The following ARHGAP26 variants were observed in gnomAD, a reference collection of about 807,000 sequenced individuals.
The protein encoded by ARHGAP26 is Rho GTPase activating protein 26, also known as rho GTPase-activating protein 26.
In ARHGAP26, 38 loss-of-function variants were observed where a neutral mutation model predicts 104.8. That is an observed-to-expected ratio of 0.36 (90% CI 0.28 to 0.48). The LOEUF (loss-of-function observed/expected upper bound fraction) is 0.48, where lower values mean the gene tolerates loss of function less well. Among genes scored for constraint, ARHGAP26 ranks in the 20% least tolerant of loss-of-function variants. The pLI is 0.99. For synonymous variants in ARHGAP26, 341 were observed against 340.0 expected (o/e 1.00, Z -0.03); for missense variants, 704 against 947.9 (o/e 0.74, Z 3.38).
chr5:142,904,630 C>A (rs914360769), intron 8 of ARHGAP26, among the ~76,000 whole-genome samples: 20 of 152,106 alleles, frequency 1.3e-4, no homozygotes, highest in Non-Finnish European at 1.3e-4. Context: ...CTCACAAGTT[C>A]ATGCCTTATG....
intron 22 of ARHGAP26, among the ~76,000 whole-genome samples, chr5:143,217,776 A>T (rs561456446): frequency 5.9e-5 from 9 of 152,230 alleles, no homozygotes; most frequent in Admixed American, 5.9e-4. Context: ...GGGCGCTTCC[A>T]CTGGCCGCCT....
At chr5:142,948,692 G>A (rs549467567) in intron 11 of ARHGAP26, among the ~76,000 whole-genome samples, 36 of 151,166 alleles carry the variant, frequency 2.4e-4, no homozygotes, top group Middle Eastern at 3.4e-3. Context: ...GGTTAGAAGG[G>A]GATATAAAGC....
intron 20 of ARHGAP26, among the ~76,000 whole-genome samples, chr5:143,157,447 G>A (rs1476433960): frequency 1.3e-5 from 2 of 152,134 alleles, no homozygotes; most frequent in African/African-American, 4.8e-5. Context: ...CAAAATGCTG[G>A]GACTACAGGC....
chr5:142,869,583 G>A lies in ARHGAP26; in HGVS notation c.155-3817G>A, dbSNP rs543304036. On this transcript the variant is annotated intron_variant, in intron 1 of 22. Coordinates refer to ENST00000645722, the MANE Select transcript of ARHGAP26 (RefSeq NM_001135608.3). The stretch of plus-strand genomic sequence containing the variant: ...TTTTGGTAACTTTGGAGGTCACAAA[G>A]GCAATAGATGCACTGAAAATACAGT... 2.6e-5 allele frequency among the ~76,000 whole-genome samples: 4 copies of A among 152,218 alleles called. No individual in the cohort carries two copies. In the South Asian group the frequency reaches 8.3e-4, roughly 32 times the overall value.
At chr5:142,815,501 A>G (rs1764928288) in intron 1 of ARHGAP26, among the ~76,000 whole-genome samples, 1 of 152,250 alleles carries the variant, frequency 6.6e-6, no homozygotes, top group Non-Finnish European at 1.5e-5. Context: ...TTATAAATCT[A>G]AGGTTGGTTA....
At chr5:143,095,291 A>G (rs1792138183) in intron 17 of ARHGAP26, among the ~76,000 whole-genome samples, 1 of 152,122 alleles carries the variant, frequency 6.6e-6, no homozygotes, top group East Asian at 1.9e-4. Flanking sequence ...TGACAGTATT[A>G]TGCAACCATT....
chr5:143,027,119 A>G (rs965979741), intron 12 of ARHGAP26, among the ~76,000 whole-genome samples: 1 of 151,742 alleles, frequency 6.6e-6, no homozygotes, highest in Admixed American at 6.6e-5. Context: ...GTTTGGGGAC[A>G]CATTAGGACT....
intron 11 of ARHGAP26, among the ~76,000 whole-genome samples, chr5:142,956,298 A>G (rs1022631567): frequency 1.3e-5 from 2 of 152,130 alleles, no homozygotes; most frequent in Non-Finnish European, 2.9e-5. Context: ...GAAGCATGCC[A>G]GGCACAGTGG....
intron 20 of ARHGAP26, among the ~76,000 whole-genome samples, chr5:143,189,598 T>C (rs1349635130): frequency 6.6e-6 from 1 of 152,204 alleles, no homozygotes; most frequent in Non-Finnish European, 1.5e-5. Flanking sequence ...AATTAAAATA[T>C]TATCAAAAAG....
intron 20 of ARHGAP26, among the ~76,000 whole-genome samples, chr5:143,185,811 A>C: frequency 6.6e-6 from 1 of 152,168 alleles, no homozygotes; most frequent in Non-Finnish European, 1.5e-5. Flanking sequence ...GAGTTGTCAC[A>C]AGGCTGGCGA....
At chr5:143,122,186 C>T (rs763419934) in intron 18 of ARHGAP26, among the ~76,000 whole-genome samples, 39 of 152,138 alleles carry the variant, frequency 2.6e-4, no homozygotes, top group Non-Finnish European at 4.6e-4. Context: ...AGTGGCTTCC[C>T]ATTTCATACA....
chr5:143,029,392 G>GTTTTTTTT (rs536919888), intron 12 of ARHGAP26, among the ~76,000 whole-genome samples: 8 of 80,846 alleles, frequency 9.9e-5, no homozygotes, highest in East Asian at 8.7e-4. Context: ...TTACTTCTCA[G>GTTTTTTTT]TTTTTTTTTT....
At chr5:143,113,856 C>T (rs947999671) in intron 17 of ARHGAP26, among the ~76,000 whole-genome samples, 2 of 152,090 alleles carry the variant, frequency 1.3e-5, no homozygotes, top group Admixed American at 1.3e-4. Context: ...GTTGAATTTT[C>T]TGAGGAAGAA....
chr5:142,828,644 C>G (rs1326668173), intron 1 of ARHGAP26, among the ~76,000 whole-genome samples: 1 of 152,148 alleles, frequency 6.6e-6, no homozygotes, highest in Non-Finnish European at 1.5e-5. Flanking sequence ...GGTTTTGCCC[C>G]CATGAGGCAT....
intron 17 of ARHGAP26, among the ~76,000 whole-genome samples, chr5:143,063,541 T>C (rs1035418227): frequency 4.6e-5 from 7 of 152,210 alleles, no homozygotes; most frequent in African/African-American, 1.7e-4. Flanking sequence ...TGCAGTTTCA[T>C]CTTGTGTCTG....
intron 11 of ARHGAP26, among the ~76,000 whole-genome samples, chr5:143,007,110 G>A (rs116660451): frequency 6.7e-6 from 1 of 148,742 alleles, no homozygotes; most frequent in Non-Finnish European, 1.5e-5. Context: ...CAGGTGAATC[G>A]CTTGAACCCA....
chr5:142,901,245 G>A (rs1760289172), intron 6 of ARHGAP26, among the ~76,000 whole-genome samples: 1 of 152,188 alleles, frequency 6.6e-6, no homozygotes, highest in Admixed American at 6.5e-5. Flanking sequence ...ATTCACTAAA[G>A]ACAAGACTAA....
chr5:143,120,586 A>G (rs80104351), intron 17 of ARHGAP26, among the ~76,000 whole-genome samples: 1,576 of 152,310 alleles, frequency 0.01, 33 homozygotes, highest in East Asian at 0.087. Context: ...AAGAGGTTTT[A>G]CATTTGCCAT....
chr5:142,785,321 C>G (rs1758354402), intron 1 of ARHGAP26, among the ~76,000 whole-genome samples: 2 of 152,236 alleles, frequency 1.3e-5, no homozygotes, highest in African/African-American at 4.8e-5. Flanking sequence ...TGCAGCTCCT[C>G]AGAATGCTGC....
Sources: allele counts gnomAD v4.1 joint callset (sites outside exome capture counted in the v4.1 genomes callset), GRCh38; gene constraint gnomAD v4.1.1; transcripts MANE v1.5; gene names NCBI Gene and HGNC (gene_info 2026-07-23, HGNC 2026-07-21).